The following CATIP variants were observed in gnomAD, a reference collection of about 807,000 sequenced individuals.
CATIP encodes ciliogenesis-associated TTC17-interacting protein.
A neutral mutation model predicts 42.5 loss-of-function variants in CATIP; 40 were observed. That is an observed-to-expected ratio of 0.94 (90% CI 0.73 to 1.22). CATIP has a LOEUF of 1.22. Among genes scored for constraint, CATIP ranks in the 50% most tolerant of loss-of-function variants. The pLI, the probability that CATIP is intolerant of heterozygous loss-of-function variation, is 0.00. For missense variants in CATIP, 489 were observed against 496.0 expected, an observed-to-expected ratio of 0.99 and a Z score of 0.13; for synonymous variants, 222 against 200.2, an observed-to-expected ratio of 1.11 and a Z score of -0.92.
rs1234409682 is a variant in CATIP, at chr2:218,367,739, C to T, written c.939C>T (p.Gly313=). ...FLDRKEELRL[G]HASYLRQHPE... is the part of the protein sequence containing the mutation. The stretch of plus-strand genomic sequence containing the variant: ...CCTGCCAGGAGGAGCTCCGGCTCGG[C>T]CACGCCAGCTATCTGCGGCAGCACC... Residue 313 remains glycine (G), a synonymous_variant, in exon 10 of 10, where the codon GGC becomes GGT. Transcript: ENST00000289388. The T allele has an allele frequency of 1.2e-6, 2 of 1,602,758 alleles. No homozygotes were observed. The highest frequency in any genetic ancestry group is 4.5e-5 in the East Asian group (2 of 44,388).
intron 5 of CATIP, 126 bp downstream of exon 5, chr2:218,360,785 G>A (rs1574737427): frequency 3.1e-6 from 2 of 646,088 alleles, no homozygotes; most frequent in South Asian, 2.0e-5. Flanking sequence ...CACAGCCTCA[G>A]GAGGTCCTGA....
chr2:218,367,182 G>A, intron 8 of CATIP, 82 bp downstream of exon 8: 1 of 1,088,290 alleles, frequency 9.2e-7, no homozygotes, highest in Non-Finnish European at 1.4e-6. Flanking sequence ...GCAGGGGGCT[G>A]GACCCAGTGT....
rs199928163 is a variant in CATIP, at chr2:218,367,082, C to A, written c.814C>A (p.Pro272Thr). The A allele has an allele frequency of 1.3e-4, 213 of 1,612,902 alleles. No individual in the cohort carries two copies. Among genetic ancestry groups the A allele is most frequent in the Non-Finnish European group, 1.8e-4 (213 of 1,179,110 alleles). The change falls in exon 8 of 10, where the codon CCC becomes ACC. Residue 272 changes from proline to threonine, a missense_variant. Transcript: ENST00000289388. ...SPGCCIITKM[P>T]ILREEDEIEP... ...AGGGTGCTGCATCATCACCAAGATG[C>A]CCATCTTGAGGGAAGAGGGTGAGTG...
chr2:218,362,624 ACT>A (rs1437649585), intron 5 of CATIP, 109 bp from the exon 6 acceptor site: 4 of 1,086,366 alleles, frequency 3.7e-6, no homozygotes, highest in African/African-American at 3.2e-5. Flanking sequence ...AAAAAGCGAA[ACT>A]CTGTCTCAAA....
Position 218,364,725 on chromosome 2 carries a change from C to T in CATIP, c.728C>T (p.Ser243Phe). ...CACGCGGAGGAGGGCATCCCCATGT[C>T]CTGCCAGTACTACCTGCTCTCCGAT... is the stretch of plus-strand genomic sequence containing the variant. ...TVHAEEGIPM[S>F]CQYYLLSDGH... The change falls in exon 7 of 10, where the codon TCC becomes TTC. Residue 243 changes from serine to phenylalanine, a missense_variant. Coordinates refer to ENST00000289388, the MANE Select transcript of CATIP (RefSeq NM_198559.2). The T allele has an allele frequency of 6.2e-7, 1 of 1,613,790 alleles. No homozygotes were observed. The highest frequency in any genetic ancestry group is 2.2e-5 in the East Asian group (1 of 44,844).
chr2:218,367,464 G>A lies in CATIP; in HGVS notation c.867G>A (p.Lys289=). Residue 289 remains lysine (K), a synonymous_variant, in exon 9 of 10, where the codon AAG becomes AAA. Coordinates refer to ENST00000289388, the MANE Select transcript of CATIP (RefSeq NM_198559.2). ...AGCCACGCCCAGTGTTTGAGAAGAA[G>A]CCCCTGGTATGGGAGGAGGATATGG... ...EIEPRPVFEK[K]PLVWEEDMEL... is the part of the protein sequence containing the mutation. 6.2e-7 allele frequency: 1 copy of A among 1,614,176 alleles called. No individual in the cohort carries two copies. Among genetic ancestry groups the A allele is most frequent in the Non-Finnish European group, 8.5e-7 (1 of 1,180,028 alleles).
intron 2 of CATIP, 72 bp downstream of exon 2, chr2:218,357,259 G>GTCTTTCTCTC: frequency 1.7e-6 from 1 of 605,428 alleles, no homozygotes; most frequent in Non-Finnish European, 2.8e-6. Context: ...AGAAAGTCCA[G>GTCTTTCTCTC]TCTCTCTCTC....
At chr2:218,357,338 A>G (rs1695062145) in intron 2 of CATIP, 151 bp downstream of exon 2, 8 of 705,818 alleles carry the variant, frequency 1.1e-5, no homozygotes, top group Non-Finnish European at 1.6e-5. Flanking sequence ...CTGTTTGTTG[A>G]CATTCTTCAA....
intron 3 of CATIP, 84 bp from the exon 4 acceptor site, chr2:218,357,953 C>G: frequency 7.5e-7 from 1 of 1,335,894 alleles, no homozygotes; most frequent in South Asian, 1.2e-5. Flanking sequence ...ACACCTAGTC[C>G]TCCAGCTGCG....
chr2:218,359,360 A>AG (rs1335840874), intron 4 of CATIP, among the ~76,000 whole-genome samples: 2 of 151,860 alleles, frequency 1.3e-5, no homozygotes, highest in East Asian at 3.9e-4. Flanking sequence ...AAAAAAAAAA[A>AG]AAAATGTTGG....
In CATIP at chr2:218,367,041, T is replaced by C. The variant is rs546380391; in HGVS notation, c.773T>C (p.Ile258Thr). ...CACTCCAGGCACCTGGCCAAGAGAA[T>C]ACAGGTGGGCTCCCCAGGGTGCTGC... is the stretch of plus-strand genomic sequence containing the variant. The part of the protein sequence containing the change: ...LLSDGHLAKR[I>T]QVGSPGCCII... Residue 258 changes from isoleucine to threonine, a missense_variant, in exon 8 of 10, where the codon ATA (isoleucine) becomes ACA (threonine). Physicochemically the swap from Ile to Thr is moderately conservative, Grantham distance 89. Transcript: ENST00000289388. 13 of 1,613,856 alleles carry C rather than the reference T, an allele frequency of 8.1e-6. No individual in the cohort carries two copies. Among genetic ancestry groups the C allele is most frequent in the Middle Eastern group, 1.6e-4 (1 of 6,062 alleles).
chr2:218,367,870 G>A lies in CATIP; in HGVS notation c.1070G>A (p.Trp357Ter). 1 of 1,613,010 alleles carries A rather than the reference G, an allele frequency of 6.2e-7. No homozygotes were observed. The change falls in exon 10 of 10, where the codon TGG becomes TAG. Residue 357 changes from tryptophan (W) to a stop codon, truncating the protein, a stop_gained. Coordinates refer to ENST00000289388, the MANE Select transcript of CATIP (RefSeq NM_198559.2). LOFTEE classifies it low-confidence loss of function (END_TRUNC). ...GAGTTCTTCGGCCCCTTCGACCCGT[G>A]GCGTCCGTCGTCACCGGCCTTGGGC... ...AAEFFGPFDP[W>*]RPSSPALGSS...
Position 218,367,909 on chromosome 2 carries a change from C to T in CATIP, c.1109C>T (p.Pro370Leu). Residue 370 changes from proline to leucine, a missense_variant, in exon 10 of 10, where the codon CCC becomes CTC. By Grantham distance (98) the Pro-to-Leu change is moderately conservative (BLOSUM62 -3). Transcript: ENST00000289388. ...SSPALGSSHR[P>L]NPFRSLEPEG... ...CCGGCCTTGGGCTCCTCCCACCGGCCCAACCCTTTCCGCTCCCTGGAGCCG... is the reference window on the plus strand; with the variant it reads ...CCGGCCTTGGGCTCCTCCCACCGGCTCAACCCTTTCCGCTCCCTGGAGCCG... 6.2e-7 allele frequency: 1 copy of T among 1,611,430 alleles called. No homozygotes were observed. Among genetic ancestry groups the T allele is most frequent in the Non-Finnish European group, 8.5e-7 (1 of 1,179,638 alleles).
intron 7 of CATIP, chr2:218,365,551 C>G (rs1695403132): frequency 6.6e-6 from 1 of 152,092 alleles, no homozygotes; most frequent in Admixed American, 6.6e-5. Flanking sequence ...CACATAATCA[C>G]TACACTGGGG....
At chr2:218,367,353 G>T in intron 8 of CATIP, 77 bp from the exon 9 acceptor site, 1 of 1,342,478 alleles carries the variant, frequency 7.4e-7, no homozygotes, top group South Asian at 1.2e-5. Context: ...TTCTGTTTGG[G>T]TGTTCTCGGG....
At chr2:218,358,004 TGTGAC>T (rs1490193266) in intron 3 of CATIP, 28 bp from the exon 4 acceptor site, 1 of 1,605,918 alleles carries the variant, frequency 6.2e-7, no homozygotes, top group African/African-American at 1.3e-5. Context: ...CCACATCTCC[TGTGAC>T]GTCAATGCCT....
At position 218,367,952 on chromosome 2, in the gene CATIP, G is replaced by C. The variant is rs773299344; in HGVS notation, c.1152G>C (p.Ser384=). 1.0e-5 allele frequency: 16 copies of C among 1,587,164 alleles called. No individual in the cohort carries two copies. The highest frequency in any genetic ancestry group is 3.5e-5 in the Admixed American group (2 of 56,914). Residue 384 remains serine, a synonymous_variant, in exon 10 of 10, where the codon TCG becomes TCC. Coordinates refer to ENST00000289388, the MANE Select transcript of CATIP (RefSeq NM_198559.2). Reference sequence around the variant, plus strand: ...TGGAGCCGGAGGGAGACGCCCGCTCGGGGGCGGCCTAAGCGGGGCCCAGGC... The same window carrying C: ...TGGAGCCGGAGGGAGACGCCCGCTCCGGGGCGGCCTAAGCGGGGCCCAGGC... ...RSLEPEGDAR[S]GAA is the part of the protein sequence containing the mutation.
intron 4 of CATIP, among the ~76,000 whole-genome samples, chr2:218,358,930 C>T (rs1169777940): frequency 6.6e-6 from 1 of 150,938 alleles, no homozygotes; most frequent in Non-Finnish European, 1.5e-5. Context: ...GTAGGTTGGG[C>T]ACGGTGGCTC....
intron 6 of CATIP, 122 bp downstream of exon 6, chr2:218,363,024 A>G: frequency 1.1e-6 from 1 of 950,442 alleles, no homozygotes; most frequent in Non-Finnish European, 1.5e-6. Flanking sequence ...AAAACAGCAC[A>G]GGTGGGAATG....
Sources: allele counts gnomAD v4.1 joint callset (sites outside exome capture counted in the v4.1 genomes callset), GRCh38; gene constraint gnomAD v4.1.1; transcripts MANE v1.5; gene names NCBI Gene and HGNC (gene_info 2026-07-23, HGNC 2026-07-21).